FBXL17: variants seen among roughly 807,000 people sequenced by gnomAD.
FBXL17 encodes the protein F-box/LRR-repeat protein 17.
A neutral mutation model predicts 66.2 loss-of-function variants in FBXL17; 22 were observed. That is an observed-to-expected ratio of 0.33 (90% CI 0.24 to 0.47). The LOEUF is 0.47. Ranked by LOEUF, FBXL17 falls within the 20% of genes least tolerant of loss-of-function variation. FBXL17 has a pLI of 1.00. For missense variants in FBXL17, 878 were observed against 948.2 expected (o/e 0.93, Z 0.97); for synonymous variants, 474 against 400.5 (o/e 1.18, Z -2.19).
At chr5:108,105,754 TTTAACA>T (rs56714277) in intron 6 of FBXL17, among the ~76,000 whole-genome samples, 28,766 of 151,966 alleles carry the variant, frequency 0.19, 2,953 homozygotes, top group South Asian at 0.41. Context: ...TACAACTAAC[TTTAACA>T]TTAACTACCC....
intron 4 of FBXL17, among the ~76,000 whole-genome samples, chr5:108,297,127 C>T (rs1368094945): frequency 6.6e-6 from 1 of 151,424 alleles, no homozygotes; most frequent in African/African-American, 2.4e-5. Flanking sequence ...TTTAATAACT[C>T]CATAAATAAA....
intron 8 of FBXL17, among the ~76,000 whole-genome samples, chr5:107,877,429 C>G (rs982621911): frequency 1.9e-4 from 29 of 152,136 alleles, no homozygotes; most frequent in African/African-American, 6.8e-4. Flanking sequence ...GGGGGAAACA[C>G]TGTTTTCCTA....
chr5:107,894,679 CTT>C (rs902023596), intron 7 of FBXL17, among the ~76,000 whole-genome samples: 30 of 152,102 alleles, frequency 2.0e-4, no homozygotes, highest in Admixed American at 7.2e-4. Flanking sequence ...AAATCTCACT[CTT>C]ATATATAATT....
At chr5:108,211,422 G>A (rs975924376) in intron 5 of FBXL17, among the ~76,000 whole-genome samples, 7 of 152,048 alleles carry the variant, frequency 4.6e-5, no homozygotes, top group South Asian at 2.1e-4. Flanking sequence ...TCATAGTATC[G>A]ATGTTCTTTA....
At position 108,299,079 on chromosome 5, in the gene FBXL17, ACTG is replaced by A. The variant is rs1434942545; in HGVS notation, c.1506+49317_1506+49319del. On this transcript the variant is annotated intron_variant, in intron 4 of 8. Transcript: ENST00000542267. ...CTGAACAAAAAAGCCCCAAATGTTT[ACTG>A]CTATTTTAAAAAACAGTCTGATTTA... The A allele has an allele frequency of 1.4e-5, 14 of 975,128 alleles. No homozygotes were observed. In the East Asian group the frequency reaches 1.1e-3, roughly 79 times the overall value. The allele number at this position is 975,128 out of a possible 1,614,324, so 60.4% of individuals were successfully genotyped here.
intron 5 of FBXL17, among the ~76,000 whole-genome samples, chr5:108,214,866 C>T (rs1431470787): frequency 6.6e-6 from 1 of 152,120 alleles, no homozygotes; most frequent in Non-Finnish European, 1.5e-5. Flanking sequence ...GCAACCATCA[C>T]CAATATCTAA....
At chr5:108,349,331 T>G (rs1580865876) in intron 3 of FBXL17, among the ~76,000 whole-genome samples, 1 of 152,148 alleles carries the variant, frequency 6.6e-6, no homozygotes, top group African/African-American at 2.4e-5. Flanking sequence ...CATACCAAGG[T>G]GTTCACAGTG....
intron 4 of FBXL17, chr5:108,298,340 T>C (rs1358321477): frequency 4.1e-6 from 4 of 983,940 alleles, no homozygotes; most frequent in African/African-American, 1.7e-5. Context: ...AAAATCGTTT[T>C]TGTATAAAAT....
chr5:108,316,865 GTAA>G (rs1759388966), intron 4 of FBXL17, among the ~76,000 whole-genome samples: 2 of 150,874 alleles, frequency 1.3e-5, no homozygotes, highest in Admixed American at 6.6e-5. Flanking sequence ...TGGAAACTTT[GTAA>G]GTTATTATAC....
chr5:108,009,657 C>A (rs982012032), intron 7 of FBXL17, among the ~76,000 whole-genome samples: 1 of 151,628 alleles, frequency 6.6e-6, no homozygotes, highest in African/African-American at 2.4e-5. Flanking sequence ...CTTTACAAGC[C>A]CAAGGGAATG....
At chr5:108,040,492 T>A (rs1219159353) in intron 6 of FBXL17, among the ~76,000 whole-genome samples, 2 of 152,274 alleles carry the variant, frequency 1.3e-5, no homozygotes, top group East Asian at 1.9e-4. Flanking sequence ...ACAAATTCTA[T>A]TTCTGCACAC....
At chr5:107,864,735 C>T (rs984025811) in intron 8 of FBXL17, among the ~76,000 whole-genome samples, 1 of 152,214 alleles carries the variant, frequency 6.6e-6, no homozygotes, top group African/African-American at 2.4e-5. Context: ...TCCACCATGA[C>T]TGGAAGTTTC....
At chr5:107,932,869 A>T (rs1305325312) in intron 7 of FBXL17, among the ~76,000 whole-genome samples, 1 of 127,434 alleles carries the variant, frequency 7.8e-6, no homozygotes, top group Non-Finnish European at 1.8e-5. Context: ...CAGCTAAGAA[A>T]TACATAAGAT....
intron 6 of FBXL17, among the ~76,000 whole-genome samples, chr5:108,047,667 T>G (rs1747309553): frequency 6.6e-6 from 1 of 152,172 alleles, no homozygotes; most frequent in African/African-American, 2.4e-5. Context: ...ACACACCGGC[T>G]GTGGCATACT....
Position 107,860,969 on chromosome 5 carries a change from A to G in FBXL17, c.*751T>C, listed in dbSNP as rs1313738402. On this transcript the variant is annotated 3_prime_UTR_variant, in exon 9 of 9. Coordinates refer to ENST00000542267, the MANE Select transcript of FBXL17 (RefSeq NM_001163315.3). ...AAAGCTAACACAATGTTAACATAAA[A>G]CCAACTAAAATATTTAGTGCTCAAC... 1 of 152,208 alleles carries G rather than the reference A, an allele frequency of 6.6e-6. No individual in the cohort carries two copies. Among genetic ancestry groups the G allele is most frequent in the Non-Finnish European group, 1.5e-5 (1 of 68,034 alleles). 9.4% of individuals were successfully genotyped at this position (152,208 alleles called of 1,614,324 possible).
At chr5:107,912,376 T>C (rs1749977250) in intron 7 of FBXL17, among the ~76,000 whole-genome samples, 1 of 152,164 alleles carries the variant, frequency 6.6e-6, no homozygotes, top group African/African-American at 2.4e-5. Flanking sequence ...AGAAGTTCAC[T>C]GAAGTATTTA....
At chr5:108,048,381 G>A (rs1200734634) in intron 6 of FBXL17, among the ~76,000 whole-genome samples, 1 of 152,148 alleles carries the variant, frequency 6.6e-6, no homozygotes, top group African/African-American at 2.4e-5. Context: ...AAACCCAAGA[G>A]GCCAGAGTAC....
At chr5:108,055,608 C>CA (rs55653715) in intron 6 of FBXL17, among the ~76,000 whole-genome samples, 9,008 of 50,414 alleles carry the variant, frequency 0.18, 1,260 homozygotes, top group East Asian at 0.35. Context: ...GACTCTGTCT[C>CA]AAAAAAAAAA....
chr5:108,203,425 A>C (rs1430070343), intron 5 of FBXL17, among the ~76,000 whole-genome samples: 1 of 152,152 alleles, frequency 6.6e-6, no homozygotes, highest in Non-Finnish European at 1.5e-5. Flanking sequence ...CAATTAATGG[A>C]TCACATCAGG....
Sources: gnomAD v4.1 joint callset for allele counts (sites outside exome capture counted in the v4.1 genomes callset) on GRCh38, gnomAD v4.1.1 for gene constraint, MANE v1.5 for transcripts, NCBI Gene and HGNC (gene_info 2026-07-23, HGNC 2026-07-21) for gene names.